Variants in GALNT17 observed in about 807,000 individuals in gnomAD.
GALNT17 encodes polypeptide N-acetylgalactosaminyltransferase 17.
Under a neutral mutation model 63.7 loss-of-function variants are expected in GALNT17, and 29 were observed. The observed-to-expected ratio is 0.46, with a 90% CI of 0.34 to 0.62. GALNT17 has a LOEUF of 0.62. GALNT17 is among the 20% of genes least tolerant of loss of function. The pLI is 0.01. For synonymous variants in GALNT17, 305 were observed against 318.3 expected (o/e 0.96, Z 0.45); for missense variants, 603 against 799.6 (o/e 0.75, Z 2.97).
intron 2 of GALNT17, among the ~76,000 whole-genome samples, chr7:71,370,898 G>A (rs986844321): frequency 1.3e-5 from 2 of 151,234 alleles, no homozygotes; most frequent in African/African-American, 4.9e-5. Flanking sequence ...GAACCACTGT[G>A]CCTCGTCTGA....
At chr7:71,652,033 C>T (rs1402473158) in intron 6 of GALNT17, among the ~76,000 whole-genome samples, 2 of 152,042 alleles carry the variant, frequency 1.3e-5, no homozygotes, top group African/African-American at 4.8e-5. Context: ...GAAAATAAAC[C>T]CATATTATTC....
At chr7:71,278,703 A>C (rs1790725510) in intron 1 of GALNT17, among the ~76,000 whole-genome samples, 1 of 152,128 alleles carries the variant, frequency 6.6e-6, no homozygotes, top group African/African-American at 2.4e-5. Context: ...GCTGAGCAGA[A>C]GGGGGAAAAG....
intron 1 of GALNT17, among the ~76,000 whole-genome samples, chr7:71,329,511 G>A (rs1472993009): frequency 1.3e-5 from 2 of 151,908 alleles, no homozygotes; most frequent in Admixed American, 6.6e-5. Flanking sequence ...ACCCGAGACT[G>A]TGTAATTTAT....
chr7:71,301,233 G>A (rs150995766), intron 1 of GALNT17, among the ~76,000 whole-genome samples: 16 of 151,854 alleles, frequency 1.1e-4, no homozygotes, highest in Middle Eastern at 3.4e-3. Context: ...GCTGCAGTGA[G>A]CTAAGATCGC....
chr7:71,319,752 A>G (rs944887760), intron 1 of GALNT17, among the ~76,000 whole-genome samples: 1 of 152,156 alleles, frequency 6.6e-6, no homozygotes, highest in Non-Finnish European at 1.5e-5. Context: ...TTGTTGCTCA[A>G]GCCGTACATG....
At chr7:71,140,433 G>A (rs1787865377) in intron 1 of GALNT17, among the ~76,000 whole-genome samples, 1 of 152,216 alleles carries the variant, frequency 6.6e-6, no homozygotes, top group South Asian at 2.1e-4. Context: ...GCCCTCAGAT[G>A]CAGGCACATC....
chr7:71,662,937 G>A (rs541358646), intron 6 of GALNT17, among the ~76,000 whole-genome samples: 72 of 152,228 alleles, frequency 4.7e-4, no homozygotes, highest in African/African-American at 1.7e-3. Flanking sequence ...TGTTGTTCCA[G>A]CACAATTTGT....
chr7:71,546,643 G>A (rs1371702031), intron 5 of GALNT17, among the ~76,000 whole-genome samples: 1 of 152,192 alleles, frequency 6.6e-6, no homozygotes, highest in African/African-American at 2.4e-5. Context: ...CTGAACTTCA[G>A]TGTTTCCAAC....
intron 5 of GALNT17, among the ~76,000 whole-genome samples, chr7:71,562,303 A>G (rs111251964): frequency 0.071 from 10,780 of 152,004 alleles, 387 homozygotes; most frequent in South Asian, 0.11. Flanking sequence ...TCTCTCCACC[A>G]CTGGAGCCTG....
intron 9 of GALNT17, among the ~76,000 whole-genome samples, chr7:71,702,087 T>C (rs890428726): frequency 1.3e-5 from 2 of 151,324 alleles, no homozygotes; most frequent in African/African-American, 2.4e-5. Context: ...GAGCTAAACA[T>C]TGGACATAGA....
intron 1 of GALNT17, among the ~76,000 whole-genome samples, chr7:71,259,647 T>C (rs1297962671): frequency 1.4e-5 from 2 of 138,614 alleles, no homozygotes; most frequent in Non-Finnish European, 3.1e-5. Flanking sequence ...TGTTTTTTTG[T>C]TTTTTTTTTT....
intron 5 of GALNT17, among the ~76,000 whole-genome samples, chr7:71,516,653 G>T (rs771835413): frequency 6.6e-6 from 1 of 152,068 alleles, no homozygotes; most frequent in Non-Finnish European, 1.5e-5. Context: ...GAACTTGCAG[G>T]GGTGATTTGA....
intron 5 of GALNT17, among the ~76,000 whole-genome samples, chr7:71,470,003 G>A (rs1220499775): frequency 1.3e-5 from 2 of 152,208 alleles, no homozygotes; most frequent in Non-Finnish European, 2.9e-5. Context: ...GAGGTCAGGA[G>A]TTCAAGACCA....
intron 9 of GALNT17, among the ~76,000 whole-genome samples, chr7:71,696,304 T>C (rs1346072930): frequency 6.6e-6 from 1 of 151,804 alleles, no homozygotes; most frequent in Non-Finnish European, 1.5e-5. Flanking sequence ...ATAGAGACGG[T>C]GTTTCACTAT....
rs201171461 is a variant in GALNT17 at position 71,628,316 on chromosome 7, CT to C, written c.1081-37087del. Among the ~76,000 whole-genome samples the C allele has an allele frequency of 4.7e-3, 713 of 151,888 alleles. 6 individuals are homozygous for C. The highest frequency in any genetic ancestry group is 0.016 in the African/African-American group (660 of 41,446). On this transcript the variant is annotated intron_variant, in intron 6 of 10. Transcript: ENST00000333538. The stretch of plus-strand genomic sequence containing the variant: ...TTGCTCTATTGAATTGCTAGAAATG[CT>C]TTTTTTTATTTTTTATTTTTTTAAG...
chr7:71,202,295 A>AT (rs1789189691), intron 1 of GALNT17, among the ~76,000 whole-genome samples: 1 of 152,222 alleles, frequency 6.6e-6, no homozygotes. Flanking sequence ...AGACAATATT[A>AT]TAACAGGAGT....
intron 2 of GALNT17, among the ~76,000 whole-genome samples, chr7:71,351,376 T>C (rs914157271): frequency 6.6e-6 from 1 of 152,032 alleles, no homozygotes; most frequent in African/African-American, 2.4e-5. Context: ...AAAAGTGATA[T>C]ACTGGGTTGA....
At chr7:71,582,357 G>A (rs1789647714) in intron 6 of GALNT17, among the ~76,000 whole-genome samples, 1 of 150,910 alleles carries the variant, frequency 6.6e-6, no homozygotes, top group Non-Finnish European at 1.5e-5. Flanking sequence ...GGCAGATCAC[G>A]AGATCAGGAG....
intron 6 of GALNT17, among the ~76,000 whole-genome samples, chr7:71,606,346 C>T (rs1790048345): frequency 6.6e-6 from 1 of 152,176 alleles, no homozygotes; most frequent in Non-Finnish European, 1.5e-5. Context: ...GAATCTGTCA[C>T]CTTTGGTGGT....
Sources: gnomAD v4.1 joint callset for allele counts (sites outside exome capture counted in the v4.1 genomes callset) on GRCh38, gnomAD v4.1.1 for gene constraint, MANE v1.5 for transcripts, NCBI Gene and HGNC (gene_info 2026-07-23, HGNC 2026-07-21) for gene names.